Variants in SAMMSON observed in about 807,000 individuals in gnomAD.
SAMMSON encodes long intergenic non-protein coding RNA 1212.
intron 2 of SAMMSON, among the ~76,000 whole-genome samples, chr3:70,413,237 A>T (rs1206339020): frequency 1.3e-5 from 2 of 152,136 alleles, no homozygotes; most frequent in Admixed American, 1.3e-4. Flanking sequence ...CTTCTTTAGT[A>T]ATCTGCTCCA....
intron 4 of SAMMSON, among the ~76,000 whole-genome samples, chr3:70,136,441 G>A (rs1399503795): frequency 6.6e-6 from 1 of 152,198 alleles, no homozygotes; most frequent in Non-Finnish European, 1.5e-5. Context: ...AGCCATCTGA[G>A]TGAACTACTT....
chr3:70,113,459 TA>T (rs576392217), intron 4 of SAMMSON, among the ~76,000 whole-genome samples: 1 of 152,244 alleles, frequency 6.6e-6, no homozygotes, highest in Non-Finnish European at 1.5e-5. Flanking sequence ...TAGATGGCTT[TA>T]AAAATTTTAG....
intron 3 of SAMMSON, among the ~76,000 whole-genome samples, chr3:70,050,149 C>T (rs1232622921): frequency 6.6e-6 from 1 of 152,104 alleles, no homozygotes; most frequent in East Asian, 1.9e-4. Context: ...AGAACTGCCC[C>T]ACCGTGGCAT....
chr3:70,262,591 G>A (rs1158998288), intron 6 of SAMMSON, among the ~76,000 whole-genome samples: 1 of 152,126 alleles, frequency 6.6e-6, no homozygotes, highest in Non-Finnish European at 1.5e-5. Flanking sequence ...GAAGTTGCAT[G>A]TAATATTATA....
chr3:70,372,780 A>G (rs1041616984), intron 9 of SAMMSON, among the ~76,000 whole-genome samples: 3 of 152,172 alleles, frequency 2.0e-5, no homozygotes, highest in African/African-American at 7.2e-5. Flanking sequence ...ACTTCAACTT[A>G]TGTGTAGTAT....
At chr3:70,339,001 A>G (rs182771673) in intron 7 of SAMMSON, among the ~76,000 whole-genome samples, 4 of 152,292 alleles carry the variant, frequency 2.6e-5, no homozygotes, top group Non-Finnish European at 5.9e-5. Flanking sequence ...ACTTCAAACT[A>G]TACTACAAGG....
chr3:70,268,474 CA>C (rs66482424), intron 6 of SAMMSON, among the ~76,000 whole-genome samples: 42,509 of 95,334 alleles, frequency 0.45, 7,060 homozygotes, highest in Middle Eastern at 0.57. Context: ...GACTCCGTCT[CA>C]AAAAAAAAAA....
At chr3:70,111,480 A>G (rs1376227289) in intron 4 of SAMMSON, among the ~76,000 whole-genome samples, 1 of 152,182 alleles carries the variant, frequency 6.6e-6, no homozygotes, top group Non-Finnish European at 1.5e-5. Flanking sequence ...ACTGTAAAAC[A>G]GAATTGTTTC....
At chr3:70,016,598 C>A (rs1431739720) in intron 3 of SAMMSON, among the ~76,000 whole-genome samples, 1 of 152,004 alleles carries the variant, frequency 6.6e-6, no homozygotes, top group Non-Finnish European at 1.5e-5. Flanking sequence ...TAATTAGATC[C>A]CATTTGTCAA....
At chr3:70,344,030 G>A (rs1475118679) in intron 7 of SAMMSON, among the ~76,000 whole-genome samples, 2 of 151,868 alleles carry the variant, frequency 1.3e-5, no homozygotes, top group Non-Finnish European at 2.9e-5. Flanking sequence ...ATTACTGGGG[G>A]TGTTTTGAGC....
chr3:70,063,965 C>G (rs943493038), intron 3 of SAMMSON, among the ~76,000 whole-genome samples: 7 of 152,094 alleles, frequency 4.6e-5, no homozygotes, highest in Admixed American at 3.9e-4. Flanking sequence ...GGTCAGTCCT[C>G]AGATCTCACC....
At chr3:70,035,418 A>T (rs543606919) in intron 3 of SAMMSON, among the ~76,000 whole-genome samples, 1 of 152,176 alleles carries the variant, frequency 6.6e-6, no homozygotes, top group Admixed American at 6.6e-5. Context: ...AGGTCAACTG[A>T]TCAGTAACTT....
chr3:70,198,252 G>C (rs1701200733), intron 4 of SAMMSON, among the ~76,000 whole-genome samples: 3 of 152,216 alleles, frequency 2.0e-5, no homozygotes, highest in East Asian at 1.9e-4. Context: ...ATTGATTTAA[G>C]TTTGACTTTC....
intron 4 of SAMMSON, among the ~76,000 whole-genome samples, chr3:70,191,535 A>T (rs778781535): frequency 2.0e-5 from 3 of 152,236 alleles, no homozygotes; most frequent in African/African-American, 4.8e-5. Context: ...TGACATAAGG[A>T]TTAAATTGCA....
intron 9 of SAMMSON, among the ~76,000 whole-genome samples, chr3:70,369,689 A>G (rs1028809376): frequency 1.4e-4 from 22 of 151,864 alleles, no homozygotes; most frequent in African/African-American, 5.3e-4. Flanking sequence ...AAAAATTGAT[A>G]CATAATATTT....
intron 3 of SAMMSON, chr3:70,014,244 G>A (rs990942450): frequency 2.0e-5 from 3 of 152,054 alleles, no homozygotes; most frequent in African/African-American, 7.3e-5. Context: ...GAATTCAGTT[G>A]GCTAACATAA....
intron 4 of SAMMSON, among the ~76,000 whole-genome samples, chr3:70,139,945 G>A (rs1576132812): frequency 6.6e-6 from 1 of 152,088 alleles, no homozygotes; most frequent in Non-Finnish European, 1.5e-5. Flanking sequence ...CACCCTTCAT[G>A]TTCTCTTCCA....
At chr3:70,247,994 A>C (rs990229724) in intron 4 of SAMMSON, among the ~76,000 whole-genome samples, 1 of 152,124 alleles carries the variant, frequency 6.6e-6, no homozygotes, top group Non-Finnish European at 1.5e-5. Flanking sequence ...TCAAAATAAA[A>C]GTCTAAACAG....
chr3:70,146,481 A>T (rs1312633328), intron 4 of SAMMSON, among the ~76,000 whole-genome samples: 1 of 152,018 alleles, frequency 6.6e-6, no homozygotes, highest in Non-Finnish European at 1.5e-5. Flanking sequence ...AGTGGGATTT[A>T]TTCTGGTACT....
Sources: allele counts gnomAD v4.1 joint callset (sites outside exome capture counted in the v4.1 genomes callset), GRCh38; gene constraint gnomAD v4.1.1; transcripts MANE v1.5; gene names NCBI Gene and HGNC (gene_info 2026-07-23, HGNC 2026-07-21).